Variants in TOGARAM1 observed in about 807,000 individuals in gnomAD.
The protein encoded by TOGARAM1 is TOG array regulator of axonemal microtubules 1.
TOGARAM1 carries 100 observed loss-of-function variants against 166.6 expected under a neutral mutation model. The ratio of observed to expected loss-of-function variants is 0.60; its 90% CI spans 0.51 to 0.71. The LOEUF (loss-of-function observed/expected upper bound fraction) is 0.71. Ranked by LOEUF, TOGARAM1 falls within the 30% of genes least tolerant of loss-of-function variation. The pLI is 0.00. For missense variants in TOGARAM1, 2,029 were observed against 2,102.7 expected (o/e 0.96, Z 0.69); for synonymous variants, 758 against 763.8 (o/e 0.99, Z 0.13).
chr14:45,031,616 TTAAAA>T (rs1209633402), intron 10 of TOGARAM1, among the ~76,000 whole-genome samples: 3 of 152,236 alleles, frequency 2.0e-5, no homozygotes, highest in African/African-American at 4.8e-5. Flanking sequence ...CTTTTAGCTG[TTAAAA>T]TAAAGCTAGA....
At chr14:45,021,742 CAGAA>C (rs1464329324) in intron 7 of TOGARAM1, among the ~76,000 whole-genome samples, 1 of 152,148 alleles carries the variant, frequency 6.6e-6, no homozygotes, top group Non-Finnish European at 1.5e-5. Context: ...GATGGGGAAT[CAGAA>C]GGAAGGGGCT....
chr14:45,005,851 A>G (rs1203958674), intron 4 of TOGARAM1, among the ~76,000 whole-genome samples, 157 bp from the exon 5 acceptor site: 1 of 152,208 alleles, frequency 6.6e-6, no homozygotes, highest in Non-Finnish European at 1.5e-5. Context: ...CAAATATTGT[A>G]TCGAAAGCCG....
At chr14:45,006,711 A>G (rs1879456015) in intron 5 of TOGARAM1, 1 of 152,244 alleles carries the variant, frequency 6.6e-6, no homozygotes, top group African/African-American at 2.4e-5. Flanking sequence ...TGTCTTATGT[A>G]TTTTTGTACT....
At chr14:44,988,486 T>C (rs1462594014) in intron 1 of TOGARAM1, among the ~76,000 whole-genome samples, 1 of 152,172 alleles carries the variant, frequency 6.6e-6, no homozygotes, top group African/African-American at 2.4e-5. Flanking sequence ...ATAATCTAAT[T>C]TTGATTAACC....
intron 3 of TOGARAM1, among the ~76,000 whole-genome samples, chr14:45,000,651 C>T (rs952346820): frequency 6.6e-6 from 1 of 152,144 alleles, no homozygotes; most frequent in Non-Finnish European, 1.5e-5. Flanking sequence ...GTGAATAGTG[C>T]TGCAATAAAC....
chr14:45,004,465 T>G, intron 4 of TOGARAM1, 99 bp downstream of exon 4: 3 of 854,800 alleles, frequency 3.5e-6, no homozygotes, highest in Non-Finnish European at 5.3e-6. Flanking sequence ...GTAAACTACA[T>G]TTTATCTGTC....
intron 18 of TOGARAM1, among the ~76,000 whole-genome samples, chr14:45,068,952 AT>A (rs1295101520): frequency 6.6e-6 from 1 of 151,986 alleles, no homozygotes; most frequent in African/African-American, 2.4e-5. Flanking sequence ...AAAGAAAAAA[AT>A]ATAAAAATAA....
chr14:44,994,775 G>GGTAAT (rs1433171299), intron 1 of TOGARAM1, among the ~76,000 whole-genome samples: 1 of 152,024 alleles, frequency 6.6e-6, no homozygotes, highest in Non-Finnish European at 1.5e-5. Flanking sequence ...TTTTGAAGGA[G>GGTAAT]GTAATAGGTT....
In TOGARAM1 at chr14:44,968,558, T is replaced by G. The variant is rs1180746502; in HGVS notation, c.2046+4091T>G. On this transcript the variant is annotated intron_variant, in intron 1 of 19. Transcript: ENST00000361462. ...CCACCGCGCCCGGCCTGGACTTTAA[T>G]TTTTAAAGCAGTTTTAGGTTCTCAG... 2.6e-5 allele frequency among the ~76,000 whole-genome samples: 4 copies of G among 152,324 alleles called. No individual in the cohort carries two copies. The East Asian group carries it at 7.7e-4, about 29-fold the overall frequency.
At chr14:45,033,176 C>T (rs1881257214) in intron 11 of TOGARAM1, among the ~76,000 whole-genome samples, 6 of 151,092 alleles carry the variant, frequency 4.0e-5, no homozygotes, top group Admixed American at 2.6e-4. Context: ...TTGCTTGAAC[C>T]CGGGAGGTGG....
Position 45,068,529 on chromosome 14 carries a change from TCTC to T in TOGARAM1, c.4858_4860del (p.Pro1620del), listed in dbSNP as rs1883236073. ...GATTCCTCTACTTAGAGACCACTTATCTCCTATAATCAACATGCTAATTCCAGC... is the reference window on the plus strand; with the variant it reads ...GATTCCTCTACTTAGAGACCACTTATCTATAATCAACATGCTAATTCCAGC... On this transcript the variant is annotated inframe_deletion, in exon 18 of 20. Transcript: ENST00000361462. The T allele has an allele frequency of 6.2e-7, 1 of 1,613,474 alleles. No homozygotes were observed. Among genetic ancestry groups the T allele is most frequent in the Admixed American group, 1.7e-5 (1 of 59,952 alleles).
intron 1 of TOGARAM1, among the ~76,000 whole-genome samples, chr14:44,981,637 A>G (rs995654535): frequency 6.6e-6 from 1 of 152,192 alleles, no homozygotes; most frequent in Non-Finnish European, 1.5e-5. Context: ...TAAAAAAGTT[A>G]TACATGCTCA....
intron 16 of TOGARAM1, among the ~76,000 whole-genome samples, chr14:45,063,779 C>T (rs994727244): frequency 3.3e-5 from 5 of 152,050 alleles, no homozygotes; most frequent in African/African-American, 9.7e-5. Context: ...GCTTCTCGCC[C>T]GACAAAGATT....
At chr14:45,062,621 G>A (rs2138994863) in intron 16 of TOGARAM1, among the ~76,000 whole-genome samples, 1 of 152,192 alleles carries the variant, frequency 6.6e-6, no homozygotes, top group Non-Finnish European at 1.5e-5. Flanking sequence ...TATGCATTTA[G>A]TACAGTAGAA....
intron 7 of TOGARAM1, among the ~76,000 whole-genome samples, chr14:45,020,792 G>A (rs1400665199): frequency 6.6e-6 from 1 of 152,176 alleles, no homozygotes; most frequent in Admixed American, 6.6e-5. Context: ...TTTTACACGG[G>A]TGAGGTTTGA....
At chr14:45,046,476 T>C in intron 13 of TOGARAM1, 69 bp from the exon 14 acceptor site, 1 of 1,204,020 alleles carries the variant, frequency 8.3e-7, no homozygotes, top group Non-Finnish European at 1.1e-6. Context: ...AAACAACCCA[T>C]AGATCCATAG....
Position 44,962,530 on chromosome 14 carries a change from C to T in TOGARAM1, c.109C>T (p.Arg37Ter), listed in dbSNP as rs1260189022. Residue 37 changes from arginine to a stop codon, truncating the protein, a stop_gained, in exon 1 of 20, where the codon CGA becomes TGA. Coordinates refer to ENST00000361462, the MANE Select transcript of TOGARAM1 (RefSeq NM_001308120.2). LOFTEE classifies it high-confidence loss of function. ...RPSAPETDDS[R>*]VGGIMRGEKN... ...TTCCGCCCCAGAGACCGATGATAGT[C>T]GAGTTGGGGGCATTATGAGAGGAGA... is the stretch of plus-strand genomic sequence containing the variant. The T allele has an allele frequency of 1.9e-6, 3 of 1,613,520 alleles. No homozygotes were observed. The Admixed American group carries it at 5.0e-5, about 27-fold the overall frequency.
intron 18 of TOGARAM1, 25 bp from the exon 19 acceptor site, chr14:45,071,687 G>GT: frequency 6.6e-7 from 1 of 1,520,042 alleles, no homozygotes; most frequent in Non-Finnish European, 9.0e-7. Flanking sequence ...CTTTAAACAT[G>GT]TGTCTCTGTG....
At chr14:45,015,307 AAAAT>A (rs34431693) in intron 7 of TOGARAM1, among the ~76,000 whole-genome samples, 11,817 of 146,722 alleles carry the variant, frequency 0.081, 1,302 homozygotes, top group African/African-American at 0.25. Flanking sequence ...CCTATCTCAA[AAAAT>A]AAATAAATAA....
Sources: gnomAD v4.1 joint callset for allele counts (sites outside exome capture counted in the v4.1 genomes callset) on GRCh38, gnomAD v4.1.1 for gene constraint, MANE v1.5 for transcripts, NCBI Gene and HGNC (gene_info 2026-07-23, HGNC 2026-07-21) for gene names.